The following B4GALT5 variants were observed in gnomAD, a reference collection of about 807,000 sequenced individuals.
The protein encoded by B4GALT5 is beta-1,4-galactosyltransferase 5.
In B4GALT5, 11 loss-of-function variants were observed where a neutral mutation model predicts 45.0. The observed-to-expected ratio is 0.24, with a 90% CI of 0.15 to 0.40. The LOEUF (loss-of-function observed/expected upper bound fraction) is 0.40. B4GALT5 is among the 10% of genes least tolerant of loss of function. B4GALT5 has a pLI of 1.00. For synonymous variants in B4GALT5, 185 were observed against 182.9 expected, an observed-to-expected ratio of 1.01 and a Z score of -0.09; for missense variants, 337 against 500.2, an observed-to-expected ratio of 0.67 and a Z score of 3.11.
intron 1 of B4GALT5, among the ~76,000 whole-genome samples, chr20:49,690,497 C>T (rs926602921): frequency 5.3e-5 from 8 of 150,538 alleles, no homozygotes; most frequent in Non-Finnish European, 7.4e-5. Context: ...TGCAGTAAGC[C>T]GAGATTGAAC....
chr20:49,653,212 T>C (rs1302058394), intron 2 of B4GALT5, among the ~76,000 whole-genome samples: 3 of 152,174 alleles, frequency 2.0e-5, no homozygotes, highest in African/African-American at 4.8e-5. Context: ...CAATGCTCCA[T>C]TGAGTATTTT....
At chr20:49,704,676 G>C (rs867803312) in intron 1 of B4GALT5, among the ~76,000 whole-genome samples, 1 of 148,646 alleles carries the variant, frequency 6.7e-6, no homozygotes, top group African/African-American at 2.5e-5. Context: ...CCGAGATCCC[G>C]CCACTGCACT....
Position 49,642,531 on chromosome 20 carries a change from G to A in B4GALT5, c.543C>T (p.Phe181=), listed in dbSNP as rs2085581341. ...RNRHEHLPVL[F]RHLLPMLQRQ... The stretch of plus-strand genomic sequence containing the variant: ...GCTGGAGCATGGGAAGCAGGTGTCT[G>A]AACAGGACTGGGAGGTGCTCGTGGC... The change falls in exon 5 of 9, where the codon TTC becomes TTT. Residue 181 remains phenylalanine, a synonymous_variant. Transcript: ENST00000371711. 6.2e-7 allele frequency: 1 copy of A among 1,614,100 alleles called. No individual in the cohort carries two copies.
chr20:49,696,262 A>C (rs1219586859), intron 1 of B4GALT5, among the ~76,000 whole-genome samples: 1 of 152,254 alleles, frequency 6.6e-6, no homozygotes, highest in Non-Finnish European at 1.5e-5. Context: ...TTCTGAGAAG[A>C]GCTTTATTCT....
At chr20:49,697,295 C>T (rs569262970) in intron 1 of B4GALT5, among the ~76,000 whole-genome samples, 3 of 152,380 alleles carry the variant, frequency 2.0e-5, no homozygotes, top group African/African-American at 4.8e-5. Flanking sequence ...GCTCCTCAAG[C>T]GCAGCGGCGC....
At chr20:49,643,800 C>T (rs1387352848) in intron 3 of B4GALT5, 150 bp from the exon 4 acceptor site, 4 of 767,012 alleles carry the variant, frequency 5.2e-6, no homozygotes, top group Non-Finnish European at 5.9e-6. Context: ...TTCCATCTCA[C>T]CGTATTTCAG....
chr20:49,693,569 G>A (rs2085825284), intron 1 of B4GALT5, among the ~76,000 whole-genome samples: 2 of 152,314 alleles, frequency 1.3e-5, no homozygotes, highest in South Asian at 2.1e-4. Flanking sequence ...TAAGGTAGAT[G>A]ACTAATAGGG....
chr20:49,693,528 A>G (rs2085825091), intron 1 of B4GALT5, among the ~76,000 whole-genome samples: 2 of 152,324 alleles, frequency 1.3e-5, no homozygotes, highest in East Asian at 3.9e-4. Flanking sequence ...AACACAACAC[A>G]GTATCTCTAC....
At chr20:49,690,133 A>C (rs2146353975) in intron 1 of B4GALT5, among the ~76,000 whole-genome samples, 1 of 131,558 alleles carries the variant, frequency 7.6e-6, no homozygotes, top group Middle Eastern at 4.3e-3. Flanking sequence ...TCTCCCAAGT[A>C]GCTGGGATTA....
At chr20:49,711,113 A>G (rs1465472901) in intron 1 of B4GALT5, among the ~76,000 whole-genome samples, 1 of 151,926 alleles carries the variant, frequency 6.6e-6, no homozygotes, top group Non-Finnish European at 1.5e-5. Context: ...AAGGGCAAAC[A>G]GCTAAATGTA....
intron 1 of B4GALT5, among the ~76,000 whole-genome samples, chr20:49,672,799 T>C (rs1210291738): frequency 6.6e-6 from 1 of 152,044 alleles, no homozygotes; most frequent in African/African-American, 2.4e-5. Flanking sequence ...CCGCAAAGGC[T>C]TGGATTTAAA....
At position 49,634,886 on chromosome 20, in the gene B4GALT5, T is replaced by C. The variant is rs1312289156; in HGVS notation, c.*1426A>G. ...TCTTAAAAAACAAAACAAAAAATAA[T>C]ATGACTTCAAAATGCAGGTGGGGGT... On this transcript the variant is annotated 3_prime_UTR_variant, in exon 9 of 9. Transcript: ENST00000371711. 1 of 152,068 alleles carries C rather than the reference T, an allele frequency of 6.6e-6. No individual in the cohort carries two copies. Among genetic ancestry groups the C allele is most frequent in the African/African-American group, 2.4e-5 (1 of 41,374 alleles). The allele number at this position is 152,068 out of a possible 1,614,324, so 9.4% of individuals were successfully genotyped here. A position where few individuals can be genotyped will look rare whatever the true frequency, so the allele number is the denominator to read the frequency against.
intron 1 of B4GALT5, among the ~76,000 whole-genome samples, chr20:49,700,267 TACAACA>T (rs202192878): frequency 1.7e-4 from 26 of 152,296 alleles, no homozygotes; most frequent in East Asian, 5.8e-4. Context: ...CAATTTGGTT[TACAACA>T]ACAACAACAA....
intron 8 of B4GALT5, 93 bp downstream of exon 8, chr20:49,637,248 G>T: frequency 1.8e-6 from 2 of 1,096,492 alleles, no homozygotes; most frequent in Non-Finnish European, 2.8e-6. Flanking sequence ...CCTCGGGGTG[G>T]GGAGTAGGAG....
intron 1 of B4GALT5, among the ~76,000 whole-genome samples, chr20:49,707,582 A>G (rs1397556648): frequency 6.6e-6 from 1 of 152,144 alleles, no homozygotes; most frequent in Non-Finnish European, 1.5e-5. Context: ...TTATTAGGAA[A>G]AGTTGTATTT....
chr20:49,699,479 G>C (rs117349818), intron 1 of B4GALT5, among the ~76,000 whole-genome samples: 337 of 151,226 alleles, frequency 2.2e-3, no homozygotes, highest in Non-Finnish European at 4.1e-3. Context: ...ACTGTGCTAT[G>C]AATCATACAG....
chr20:49,661,196 C>T (rs2085663333), intron 1 of B4GALT5, among the ~76,000 whole-genome samples: 1 of 152,108 alleles, frequency 6.6e-6, no homozygotes, highest in Non-Finnish European at 1.5e-5. Context: ...GAGAGGTGAA[C>T]TGAGTTGCTG....
chr20:49,693,270 C>T (rs4809751), intron 1 of B4GALT5, among the ~76,000 whole-genome samples: 77,080 of 152,034 alleles, frequency 0.51, 19,847 homozygotes, highest in South Asian at 0.65. Context: ...ATATCAATCA[C>T]GGTAGCAATA....
chr20:49,679,962 G>A (rs896044131), intron 1 of B4GALT5, among the ~76,000 whole-genome samples: 2 of 152,092 alleles, frequency 1.3e-5, no homozygotes, highest in Admixed American at 6.5e-5. Context: ...GTAAAATCAC[G>A]CTCTCCAAGA....
Sources: gnomAD v4.1 joint callset for allele counts (sites outside exome capture counted in the v4.1 genomes callset) on GRCh38, gnomAD v4.1.1 for gene constraint, MANE v1.5 for transcripts, NCBI Gene and HGNC (gene_info 2026-07-23, HGNC 2026-07-21) for gene names.